ZBTB24: variants seen among roughly 807,000 people sequenced by gnomAD.
ZBTB24 encodes zinc finger and BTB domain-containing protein 24.
ZBTB24 carries 32 observed loss-of-function variants against 53.8 expected under a neutral mutation model. That is an observed-to-expected ratio of 0.60 (90% CI 0.45 to 0.80). The LOEUF (loss-of-function observed/expected upper bound fraction) is 0.80, where lower values mean the gene tolerates loss of function less well. Ranked by LOEUF, ZBTB24 falls within the 30% of genes least tolerant of loss-of-function variation. ZBTB24 has a pLI of 0.00. For synonymous variants in ZBTB24, 297 were observed against 306.7 expected, an observed-to-expected ratio of 0.97 and a Z score of 0.33; for missense variants, 722 against 837.1, an observed-to-expected ratio of 0.86 and a Z score of 1.70.
chr6:109,469,904 C>T (rs1300978182), intron 5 of ZBTB24, among the ~76,000 whole-genome samples: 1 of 152,178 alleles, frequency 6.6e-6, no homozygotes, highest in African/African-American at 2.4e-5. Context: ...GACCAAGGAT[C>T]ACTGTCAGGA....
intron 5 of ZBTB24, among the ~76,000 whole-genome samples, chr6:109,468,833 T>C (rs576689177): frequency 6.6e-6 from 1 of 151,498 alleles, no homozygotes; most frequent in East Asian, 1.9e-4. Context: ...GCTTATTCAG[T>C]GTGTTTGCAT....
chr6:109,482,486 A>G (rs1776445149), intron 1 of ZBTB24, among the ~76,000 whole-genome samples: 1 of 143,108 alleles, frequency 7.0e-6, no homozygotes, highest in Non-Finnish European at 1.5e-5. Context: ...AAACAAAACA[A>G]CTTAGCTCGC....
At chr6:109,472,274 T>C (rs1776183001) in intron 5 of ZBTB24, among the ~76,000 whole-genome samples, 1 of 152,122 alleles carries the variant, frequency 6.6e-6, no homozygotes, top group African/African-American at 2.4e-5. Context: ...AGAACCCCAA[T>C]TTTTTGATAG....
At chr6:109,476,099 A>G in intron 4 of ZBTB24, 76 bp downstream of exon 4, 2 of 1,533,158 alleles carry the variant, frequency 1.3e-6, no homozygotes, top group Non-Finnish European at 1.8e-6. Context: ...GCAGAACAAT[A>G]TAAACCTAAT....
Position 109,463,615 on chromosome 6 carries a change from G to A in ZBTB24, c.*2236C>T, listed in dbSNP as rs1260340505. The stretch of plus-strand genomic sequence containing the variant: ...TCTTAGCTACTTGATATGAGAATCT[G>A]TTTTCAACTGTAAGTTGTATGAAAT... On this transcript the variant is annotated 3_prime_UTR_variant, in exon 7 of 7. Transcript: ENST00000230122. The A allele has an allele frequency of 1.3e-5, 2 of 152,118 alleles. No individual in the cohort carries two copies. The highest frequency in any genetic ancestry group is 4.8e-5 in the African/African-American group (2 of 41,420). 9.4% of individuals were successfully genotyped at this position (152,118 alleles called of 1,614,324 possible).
rs1776475204 is a variant in ZBTB24 at position 109,483,156 on chromosome 6, C to CGCCT, written c.-91_-88dup. On this transcript the variant is annotated 5_prime_UTR_variant, in exon 1 of 7. Coordinates refer to ENST00000230122, the MANE Select transcript of ZBTB24 (RefSeq NM_014797.3). ...CGCTGGCCCTCCGCTCCGCCCCGCC[C>CGCCT]GCCTCTGGGGCTTCTGCGCCGCACC... 1 of 152,122 alleles carries CGCCT rather than the reference C, an allele frequency of 6.6e-6. No homozygotes were observed. Among genetic ancestry groups the CGCCT allele is most frequent in the African/African-American group, 2.4e-5 (1 of 41,412 alleles). The allele number at this position is 152,122 out of a possible 1,614,324, so 9.4% of individuals were successfully genotyped here. A position where few individuals can be genotyped will look rare whatever the true frequency, so the allele number is the denominator to read the frequency against.
chr6:109,477,072 A>T, intron 2 of ZBTB24, 142 bp from the exon 3 acceptor site: 1 of 1,235,016 alleles, frequency 8.1e-7, no homozygotes, highest in Non-Finnish European at 1.1e-6. Flanking sequence ...GACATCAGCA[A>T]TAAAATTTTG....
At chr6:109,471,082 T>C (rs190162758) in intron 5 of ZBTB24, among the ~76,000 whole-genome samples, 44 of 152,390 alleles carry the variant, frequency 2.9e-4, no homozygotes, top group African/African-American at 1.1e-3. Context: ...TGGTAAGTAT[T>C]GCAAAAGTTC....
intron 2 of ZBTB24, among the ~76,000 whole-genome samples, chr6:109,480,148 A>G (rs982873703): frequency 1.3e-5 from 2 of 152,162 alleles, no homozygotes; most frequent in East Asian, 3.9e-4. Context: ...AGTGATTCCA[A>G]TTTGCAGGCT....
intron 5 of ZBTB24, among the ~76,000 whole-genome samples, 175 bp downstream of exon 5, chr6:109,475,224 A>C (rs1051326762): frequency 6.6e-6 from 1 of 152,142 alleles, no homozygotes; most frequent in Admixed American, 6.5e-5. Flanking sequence ...TTCCCCAAAG[A>C]CAGTGCTGAC....
intron 2 of ZBTB24, among the ~76,000 whole-genome samples, chr6:109,478,547 A>G (rs1187205213): frequency 1.3e-5 from 2 of 152,140 alleles, no homozygotes; most frequent in African/African-American, 4.8e-5. Flanking sequence ...CTCATACAAA[A>G]AAAATTAGCC....
rs371830905 is a variant in ZBTB24, at chr6:109,466,157, C to T, written c.1788G>A (p.Thr596=). Residue 596 remains threonine, a synonymous_variant, in exon 7 of 7, where the codon ACG becomes ACA. Transcript: ENST00000230122. ...AATTCTGCAGTTGCTCTGGCTGCTG[C>T]GTGAGCAGGGTAAGATTAGCAGCCT... ...ADQAANLTLL[T]QQPEQLQNLI... 3.5e-5 allele frequency: 56 copies of T among 1,614,220 alleles called. 1 individual carries two copies. In the South Asian group the frequency reaches 4.4e-4, roughly 13 times the overall value.
intron 2 of ZBTB24, among the ~76,000 whole-genome samples, chr6:109,477,436 C>A (rs980431790): frequency 2.0e-5 from 3 of 152,194 alleles, no homozygotes; most frequent in African/African-American, 7.2e-5. Flanking sequence ...CAGGCATGAG[C>A]CACCACACCC....
chr6:109,482,918 C>A (rs1387298713), intron 1 of ZBTB24, among the ~76,000 whole-genome samples, 180 bp downstream of exon 1: 1 of 152,230 alleles, frequency 6.6e-6, no homozygotes, highest in African/African-American at 2.4e-5. Context: ...ACACTAGGGG[C>A]GGCGCGGAGC....
rs144613127 is a variant in ZBTB24 at position 109,475,587 on chromosome 6, T to C, written c.1205-105A>G. The stretch of plus-strand genomic sequence containing the variant: ...CCCTGAAAAATAATCACTTTAAATA[T>C]AGTACTTTAACCACAAAAATTTTTT... On this transcript the variant is annotated intron_variant, in intron 4 of 6. Transcript: ENST00000230122. 418 of 1,405,070 alleles carry C rather than the reference T, an allele frequency of 3.0e-4. 3 individuals carry two copies. In the African/African-American group the frequency reaches 5.0e-3, roughly 17 times the overall value. The allele number at this position is 1,405,070 out of a possible 1,614,324, so 87.0% of individuals were successfully genotyped here. A position where few individuals can be genotyped will look rare whatever the true frequency, so the allele number is the denominator to read the frequency against.
At chr6:109,476,473 C>T (rs1475501322) in intron 3 of ZBTB24, among the ~76,000 whole-genome samples, 1 of 152,176 alleles carries the variant, frequency 6.6e-6, no homozygotes, top group African/African-American at 2.4e-5. Flanking sequence ...TGGGGTAGAA[C>T]TGGAGAATTT....
intron 2 of ZBTB24, chr6:109,480,818 T>G: frequency 1.9e-6 from 1 of 524,888 alleles, no homozygotes; most frequent in Non-Finnish European, 2.4e-6. Context: ...TCCCTAGAAC[T>G]TGGTTGCTTC....
chr6:109,482,167 ATT>A, intron 1 of ZBTB24, 113 bp from the exon 2 acceptor site: 1 of 846,540 alleles, frequency 1.2e-6, no homozygotes, highest in Non-Finnish European at 1.9e-6. Context: ...TACCATTACC[ATT>A]TTTGTCTGTC....
intron 2 of ZBTB24, among the ~76,000 whole-genome samples, chr6:109,477,306 T>C (rs757003985): frequency 6.6e-6 from 1 of 152,140 alleles, no homozygotes; most frequent in Non-Finnish European, 1.5e-5. Flanking sequence ...ACCCAGCTAA[T>C]TTTTTAATTG....
Sources: allele counts gnomAD v4.1 joint callset (sites outside exome capture counted in the v4.1 genomes callset), GRCh38; gene constraint gnomAD v4.1.1; transcripts MANE v1.5; gene names NCBI Gene and HGNC (gene_info 2026-07-23, HGNC 2026-07-21).